DGKH: variants seen among roughly 807,000 people sequenced by gnomAD.
DGKH encodes diacylglycerol kinase eta.
Under a neutral mutation model 159.3 loss-of-function variants are expected in DGKH, and 90 were observed. That is an observed-to-expected ratio of 0.57 (90% CI 0.48 to 0.67). The LOEUF is 0.67. DGKH is among the 30% of genes least tolerant of loss of function. The pLI is 0.00. For missense variants in DGKH, 1,181 were observed against 1,506.1 expected, an observed-to-expected ratio of 0.78 and a Z score of 3.57; for synonymous variants, 536 against 553.8, an observed-to-expected ratio of 0.97 and a Z score of 0.45.
At chr13:42,098,888 G>A (rs1954597154) in intron 1 of DGKH, among the ~76,000 whole-genome samples, 2 of 152,192 alleles carry the variant, frequency 1.3e-5, no homozygotes, top group African/African-American at 4.8e-5. Flanking sequence ...GACACATTCC[G>A]GAAGTACACT....
At chr13:42,245,578 C>A (rs1168344172), downstream of DGKH, among the ~76,000 whole-genome samples, 3 of 152,006 alleles carry the variant, frequency 2.0e-5, no homozygotes, top group African/African-American at 4.8e-5. Flanking sequence ...CAGGTCACTA[C>A]TAACCAATAC....
intron 26 of DGKH, among the ~76,000 whole-genome samples, chr13:42,218,205 A>G (rs1957857128): frequency 1.3e-5 from 2 of 152,206 alleles, no homozygotes. Flanking sequence ...TTTAATCTTT[A>G]TTCATTTATT....
At chr13:42,071,307 G>A (rs1344942796) in intron 1 of DGKH, among the ~76,000 whole-genome samples, 2 of 152,226 alleles carry the variant, frequency 1.3e-5, no homozygotes, top group Non-Finnish European at 2.9e-5. Flanking sequence ...TACTCATGTT[G>A]AGAATTTAAA....
chr13:42,141,411 T>C (rs1329901026), intron 3 of DGKH, among the ~76,000 whole-genome samples: 1 of 152,210 alleles, frequency 6.6e-6, no homozygotes, highest in Non-Finnish European at 1.5e-5. Context: ...TTTGGGTATA[T>C]ACCCAGTAAT....
Position 42,207,123 on chromosome 13 carries a change from CTCCTTCCTTCCTTCCTTCCTTCCTTCCT to C in DGKH, c.2601+1024_2601+1051del, listed in dbSNP as rs377514975. Among the ~76,000 whole-genome samples the C allele has an allele frequency of 1.9e-4, 10 of 52,242 alleles. 1 individual carries two copies. The highest frequency in any genetic ancestry group is 1.3e-3 in the Admixed American group (6 of 4,468). 34.3% of individuals were successfully genotyped at this position (52,242 alleles called of 152,430 possible). On this transcript the variant is annotated intron_variant, in intron 21 of 29. Coordinates refer to ENST00000337343, the MANE Select transcript of DGKH (RefSeq NM_178009.5). ...TTTCTTTCTTTCTTTCTCTTTCTCTCTCCTTCCTTCCTTCCTTCCTTCCTTCCTTCCTTCCTTCCTTCCTTCCTTCCTT... is the reference window on the plus strand; with the variant it reads ...TTTCTTTCTTTCTTTCTCTTTCTCTCTCCTTCCTTCCTTCCTTCCTTCCTT...
At chr13:42,170,319 G>C (rs976251518) in intron 11 of DGKH, among the ~76,000 whole-genome samples, 27 of 152,100 alleles carry the variant, frequency 1.8e-4, no homozygotes, top group African/African-American at 6.3e-4. Context: ...AGGCCGATGT[G>C]GGAGGATCAC....
chr13:42,091,810 G>GTA (rs1450817913), intron 1 of DGKH, among the ~76,000 whole-genome samples: 1 of 152,100 alleles, frequency 6.6e-6, no homozygotes, highest in African/African-American at 2.4e-5. Flanking sequence ...TGGCCAACAG[G>GTA]TATATGGAAA....
At chr13:42,069,210 T>C in intron 1 of DGKH, 1 of 1,229,798 alleles carries the variant, frequency 8.1e-7, no homozygotes, top group Non-Finnish European at 1.1e-6. Flanking sequence ...AGAACTTGTC[T>C]AAGTAACTAG....
intron 24 of DGKH, among the ~76,000 whole-genome samples, chr13:42,211,630 G>A (rs1399063041): frequency 1.3e-5 from 2 of 152,086 alleles, no homozygotes. Context: ...CCTGAGTGGT[G>A]GAAGTTGCAG....
chr13:42,211,677 G>A (rs1262107273), intron 24 of DGKH, among the ~76,000 whole-genome samples: 2 of 152,052 alleles, frequency 1.3e-5, no homozygotes, highest in Non-Finnish European at 2.9e-5. Flanking sequence ...CAGCCTGGAC[G>A]ACAGAGTGAG....
At chr13:42,210,573 CA>C in intron 23 of DGKH, 28 bp from the exon 24 acceptor site, 1 of 1,599,422 alleles carries the variant, frequency 6.3e-7, no homozygotes, top group East Asian at 2.2e-5. Flanking sequence ...TCTAAACTAA[CA>C]ATTCGTTACA....
chr13:42,113,118 G>A (rs903116718), intron 1 of DGKH, among the ~76,000 whole-genome samples: 4 of 152,144 alleles, frequency 2.6e-5, no homozygotes, highest in Non-Finnish European at 5.9e-5. Flanking sequence ...ACTCCTGGGT[G>A]GGGGCAGAGC....
chr13:42,209,924 A>T (rs750764194), intron 23 of DGKH, among the ~76,000 whole-genome samples: 2 of 150,126 alleles, frequency 1.3e-5, no homozygotes, highest in Non-Finnish European at 3.0e-5. Context: ...TTATTTCACG[A>T]CCCTAAAAAT....
chr13:42,202,871 C>T lies in DGKH; in HGVS notation c.2493+2962C>T, dbSNP rs541694417. Among the ~76,000 whole-genome samples, 3 of 152,178 alleles carry T rather than the reference C, an allele frequency of 2.0e-5. No individual in the cohort carries two copies. The East Asian group carries it at 5.8e-4, about 29-fold the overall frequency. ...GGATGACTTTTTTGCCCATAATATA[C>T]GTAATTTACATGGGTTAAGGAGACT... On this transcript the variant is annotated intron_variant, in intron 20 of 29. Coordinates refer to ENST00000337343, the MANE Select transcript of DGKH (RefSeq NM_178009.5).
At chr13:42,046,109 A>G (rs938513210), upstream of DGKH, among the ~76,000 whole-genome samples, 24 of 152,262 alleles carry the variant, frequency 1.6e-4, no homozygotes, top group African/African-American at 5.3e-4. Flanking sequence ...TGTTTGTCAC[A>G]TGTTCTGAAC....
At position 42,068,990 on chromosome 13, in the gene DGKH, T is replaced by A. The variant is rs571567670; in HGVS notation, c.192+20025T>A. ...TGATGAGGAATTTGAGGGGAAGATTTCATAGCAGAAGCTGTTAATGTGGCC... is the reference window on the plus strand; with the variant it reads ...TGATGAGGAATTTGAGGGGAAGATTACATAGCAGAAGCTGTTAATGTGGCC... On this transcript the variant is annotated intron_variant, in intron 1 of 29. Coordinates refer to ENST00000337343, the MANE Select transcript of DGKH (RefSeq NM_178009.5). 77 of 1,482,092 alleles carry A rather than the reference T, an allele frequency of 5.2e-5. No individual in the cohort carries two copies. The East Asian group carries it at 1.7e-3, about 33-fold the overall frequency. The allele number at this position is 1,482,092 out of a possible 1,614,324, so 91.8% of individuals were successfully genotyped here.
At chr13:42,221,831 GACTT>G (rs1385045336) in intron 29 of DGKH, among the ~76,000 whole-genome samples, 3 of 152,168 alleles carry the variant, frequency 2.0e-5, no homozygotes, top group Non-Finnish European at 2.9e-5. Flanking sequence ...TGAGAAGAGA[GACTT>G]ACAGCAATGG....
chr13:42,210,499 G>T, intron 23 of DGKH, 103 bp from the exon 24 acceptor site: 1 of 1,089,548 alleles, frequency 9.2e-7, no homozygotes, highest in East Asian at 2.5e-5. Context: ...ATTTATTTGA[G>T]GAGTCATTAG....
In DGKH at chr13:42,219,854, A is replaced by G. The variant is rs571923523; in HGVS notation, c.3442+60A>G. The G allele has an allele frequency of 6.7e-6, 10 of 1,496,732 alleles. No individual in the cohort carries two copies. The Admixed American group carries it at 1.4e-4, about 21-fold the overall frequency. The allele number at this position is 1,496,732 out of a possible 1,614,324, so 92.7% of individuals were successfully genotyped here. ...TATGAAAAAAGAGCTGATTAAAGTGACATCATGGAGGTCGTGAAAATGTTC... is the reference window on the plus strand; with the variant it reads ...TATGAAAAAAGAGCTGATTAAAGTGGCATCATGGAGGTCGTGAAAATGTTC... On this transcript the variant is annotated intron_variant, in intron 28 of 29. Coordinates refer to ENST00000337343, the MANE Select transcript of DGKH (RefSeq NM_178009.5).
Sources: allele counts gnomAD v4.1 joint callset (sites outside exome capture counted in the v4.1 genomes callset), GRCh38; gene constraint gnomAD v4.1.1; transcripts MANE v1.5; gene names NCBI Gene and HGNC (gene_info 2026-07-23, HGNC 2026-07-21).